The following GRID1 variants were observed in gnomAD, a reference collection of about 807,000 sequenced individuals.
GRID1 encodes the protein glutamate ionotropic receptor delta type subunit 1.
GRID1 carries 28 observed loss-of-function variants against 98.0 expected under a neutral mutation model. The ratio of observed to expected loss-of-function variants is 0.29; its 90% CI spans 0.21 to 0.39. The LOEUF is 0.39. Among genes scored for constraint, GRID1 ranks in the 10% least tolerant of loss-of-function variants. The probability of loss-of-function intolerance (pLI) is 1.00; values close to 1 mark genes in which losing one functional copy is unlikely to be tolerated. For synonymous variants in GRID1, 553 were observed against 538.5 expected (o/e 1.03, Z -0.37); for missense variants, 1,111 against 1,340.5 (o/e 0.83, Z 2.67).
intron 9 of GRID1, 127 bp downstream of exon 9, chr10:85,729,386 C>A (rs2132658149): frequency 3.5e-6 from 2 of 577,762 alleles, no homozygotes; most frequent in Admixed American, 2.9e-5. Context: ...GAATGAAAGG[C>A]CTTATGAAAG....
At chr10:85,855,880 G>A (rs1843105072) in intron 7 of GRID1, 149 bp downstream of exon 7, 1 of 676,494 alleles carries the variant, frequency 1.5e-6, no homozygotes, top group Admixed American at 2.4e-5. Flanking sequence ...GCTGGGACAG[G>A]AAGAGTGACA....
At chr10:85,703,082 T>C (rs2132625083) in intron 12 of GRID1, among the ~76,000 whole-genome samples, 2 of 152,122 alleles carry the variant, frequency 1.3e-5, no homozygotes, top group South Asian at 4.2e-4. Flanking sequence ...AGGTGAAAGT[T>C]TCTCCATTGT....
At chr10:85,997,286 A>AC (rs1212240064) in intron 4 of GRID1, among the ~76,000 whole-genome samples, 2 of 151,936 alleles carry the variant, frequency 1.3e-5, no homozygotes, top group Non-Finnish European at 2.9e-5. Flanking sequence ...TGTAATCCCA[A>AC]CTACTCGGGA....
intron 8 of GRID1, among the ~76,000 whole-genome samples, chr10:85,796,799 A>G (rs1190488363): frequency 6.6e-6 from 1 of 152,208 alleles, no homozygotes; most frequent in African/African-American, 2.4e-5. Context: ...GGAGTAAGGT[A>G]TTTTAAGGCA....
intron 2 of GRID1, among the ~76,000 whole-genome samples, chr10:86,278,421 T>TAA (rs1216635986): frequency 1.3e-5 from 1 of 77,340 alleles, no homozygotes; most frequent in Non-Finnish European, 2.8e-5. Context: ...AAGGAAATAA[T>TAA]AAATATCAAA....
At chr10:86,092,076 T>C (rs1844157873) in intron 4 of GRID1, among the ~76,000 whole-genome samples, 1 of 152,060 alleles carries the variant, frequency 6.6e-6, no homozygotes, top group South Asian at 2.1e-4. Context: ...AACAAGGCTC[T>C]TCAACACCCC....
chr10:85,692,006 A>G (rs1183779554), intron 12 of GRID1, among the ~76,000 whole-genome samples: 1 of 151,494 alleles, frequency 6.6e-6, no homozygotes, highest in African/African-American at 2.4e-5. Flanking sequence ...ATGAGCTGCC[A>G]ATGGGGCAGC....
At chr10:86,295,369 C>A (rs76775219) in intron 2 of GRID1, among the ~76,000 whole-genome samples, 4,552 of 152,196 alleles carry the variant, frequency 0.03, 85 homozygotes, top group Non-Finnish European at 0.044. Flanking sequence ...GGATGTAGTG[C>A]CCAAGGAAAG....
Position 86,365,546 on chromosome 10 carries a change from C to T in GRID1, c.79+768G>A, listed in dbSNP as rs1848664410. ...CCATCTCTTCCCGCTCAGCATCCCC[C>T]TACCCCCCGCTGCCCACGCTTCTTC... On this transcript the variant is annotated intron_variant, in intron 1 of 15. Coordinates refer to ENST00000327946, the MANE Select transcript of GRID1 (RefSeq NM_017551.3). The surrounding 1 kb of genome is among the most constrained non-coding windows in gnomAD (Gnocchi z 4.8). Among the ~76,000 whole-genome samples the T allele has an allele frequency of 1.3e-5, 2 of 151,956 alleles. No individual in the cohort carries two copies. Among genetic ancestry groups the T allele is most frequent in the Admixed American group, 1.3e-4 (2 of 15,258 alleles).
At chr10:86,091,943 C>T (rs765881178) in intron 4 of GRID1, among the ~76,000 whole-genome samples, 1 of 152,180 alleles carries the variant, frequency 6.6e-6, no homozygotes, top group Admixed American at 6.5e-5. Flanking sequence ...GGGGAGAGTA[C>T]TACATCAAGG....
At chr10:86,237,129 G>A (rs893444782) in intron 2 of GRID1, among the ~76,000 whole-genome samples, 11 of 152,078 alleles carry the variant, frequency 7.2e-5, no homozygotes, top group Admixed American at 3.3e-4. Flanking sequence ...TTCTCACTAC[G>A]CTCCTGGGAG....
At chr10:85,640,504 C>A (rs1324870353) in intron 13 of GRID1, among the ~76,000 whole-genome samples, 1 of 152,204 alleles carries the variant, frequency 6.6e-6, no homozygotes, top group Non-Finnish European at 1.5e-5. Context: ...AAGTGCCCAC[C>A]CATATAAGCC....
intron 12 of GRID1, among the ~76,000 whole-genome samples, chr10:85,651,850 A>G (rs1843275293): frequency 6.6e-6 from 1 of 152,162 alleles, no homozygotes; most frequent in African/African-American, 2.4e-5. Context: ...ACTTTTGATA[A>G]TATTTTGTGT....
chr10:85,838,500 T>C (rs2131768579), intron 8 of GRID1, among the ~76,000 whole-genome samples: 1 of 152,270 alleles, frequency 6.6e-6, no homozygotes, highest in East Asian at 1.9e-4. Context: ...AATTGAGCAC[T>C]GATATTCAAC....
chr10:85,862,994 C>A (rs367578174), intron 6 of GRID1, among the ~76,000 whole-genome samples: 1 of 152,168 alleles, frequency 6.6e-6, no homozygotes, highest in African/African-American at 2.4e-5. Flanking sequence ...GCTTCAAAGG[C>A]TGAATCCTGC....
chr10:86,175,254 G>C (rs1340746488), intron 3 of GRID1, among the ~76,000 whole-genome samples: 1 of 149,570 alleles, frequency 6.7e-6, no homozygotes, highest in South Asian at 2.2e-4. Context: ...TGTGGATCTG[G>C]TTATTCTCTG....
chr10:85,629,701 C>G (rs1842954385), intron 13 of GRID1, among the ~76,000 whole-genome samples: 1 of 152,044 alleles, frequency 6.6e-6, no homozygotes, highest in Non-Finnish European at 1.5e-5. Flanking sequence ...CTACAGTTAT[C>G]TTTTTGATAT....
chr10:85,923,212 C>A (rs1044349370), intron 4 of GRID1, among the ~76,000 whole-genome samples: 1 of 152,102 alleles, frequency 6.6e-6, no homozygotes. Flanking sequence ...CCACCCTTGG[C>A]AGGAACAGGA....
intron 4 of GRID1, among the ~76,000 whole-genome samples, chr10:86,078,175 T>A (rs958112805): frequency 6.6e-6 from 1 of 152,198 alleles, no homozygotes; most frequent in Non-Finnish European, 1.5e-5. Flanking sequence ...TCTCCACAGC[T>A]AGAAGAGGGC....
Sources: gnomAD v4.1 joint callset for allele counts (sites outside exome capture counted in the v4.1 genomes callset) on GRCh38, gnomAD v4.1.1 for gene constraint, Gnocchi (gnomAD v3.1) non-coding constraint, MANE v1.5 for transcripts, NCBI Gene and HGNC (gene_info 2026-07-23, HGNC 2026-07-21) for gene names.